CLIP2: variants seen among roughly 807,000 people sequenced by gnomAD.
CLIP2 encodes CAP-Gly domain-containing linker protein 2.
Under a neutral mutation model 111.7 loss-of-function variants are expected in CLIP2, and 41 were observed. That is an observed-to-expected ratio of 0.37 (90% CI 0.29 to 0.48). The LOEUF is 0.48. CLIP2 is among the 20% of genes least tolerant of loss of function. The pLI is 0.99. For synonymous variants in CLIP2, 660 were observed against 644.2 expected (o/e 1.02, Z -0.37); for missense variants, 1,160 against 1,422.1 (o/e 0.82, Z 2.96).
intron 2 of CLIP2, among the ~76,000 whole-genome samples, chr7:74,321,339 G>A (rs1554729992): frequency 1.3e-5 from 2 of 152,190 alleles, no homozygotes; most frequent in African/African-American, 4.8e-5. Context: ...AGGATTCCGT[G>A]AAGGATGGAC....
At position 74,376,684 on chromosome 7, in the gene CLIP2, G is replaced by T. The variant is rs373818798; in HGVS notation, c.2283G>T (p.Lys761Asn). 3 of 1,613,398 alleles carry T rather than the reference G, an allele frequency of 1.9e-6. No homozygotes were observed. The highest frequency in any genetic ancestry group is 2.5e-6 in the Non-Finnish European group (3 of 1,179,852). ...AGGAGCAGATCTCGCTGGCCGAGAA[G>T]AAGATGTTGGACTACGAGCGGCTGC... ...FLKEQISLAE[K>N]KMLDYERLQR... is the part of the protein sequence containing the mutation. The change falls in exon 10 of 17, where the codon AAG (lysine) becomes AAT (asparagine). Residue 761 changes from lysine (K) to asparagine (N), a missense_variant. Around this residue, in one of 5 missense-constraint regions of CLIP2, gnomAD observed 676 missense variants for 777.8 expected, o/e 0.87. Transcript: ENST00000223398. This position sits in a 1 kb window ranked among gnomAD's most constrained non-coding sequence, Gnocchi z 7.1.
chr7:74,399,546 G>T (rs797042137), intron 14 of CLIP2, among the ~76,000 whole-genome samples: 8 of 121,726 alleles, frequency 6.6e-5, no homozygotes, highest in East Asian at 3.1e-4. Context: ...TTTTTTTGGG[G>T]GGGGGGGGGT....
chr7:74,304,190 C>T (rs572581050), intron 1 of CLIP2, among the ~76,000 whole-genome samples: 8 of 151,628 alleles, frequency 5.3e-5, no homozygotes, highest in African/African-American at 1.9e-4. Flanking sequence ...GGATTGCAGG[C>T]GTGAGCCACC....
At chr7:74,327,391 C>G (rs1242749691) in intron 2 of CLIP2, among the ~76,000 whole-genome samples, 2 of 152,204 alleles carry the variant, frequency 1.3e-5, no homozygotes, top group Admixed American at 1.3e-4. Flanking sequence ...GCGTGAGCCA[C>G]TTCACTCGGT....
At chr7:74,339,721 T>C (rs1437196104) in intron 3 of CLIP2, among the ~76,000 whole-genome samples, 1 of 152,126 alleles carries the variant, frequency 6.6e-6, no homozygotes, top group African/African-American at 2.4e-5. Flanking sequence ...ATTGATATTA[T>C]CTATTGATCC....
intron 6 of CLIP2, among the ~76,000 whole-genome samples, chr7:74,359,476 C>A (rs1790255566): frequency 6.6e-6 from 1 of 151,594 alleles, no homozygotes; most frequent in Admixed American, 6.6e-5. Flanking sequence ...GCCTCAGCCT[C>A]CCAAGTAGCT....
chr7:74,394,965 T>A (rs1438863858), intron 13 of CLIP2, among the ~76,000 whole-genome samples: 1 of 152,168 alleles, frequency 6.6e-6, no homozygotes, highest in Non-Finnish European at 1.5e-5. Context: ...TGAGTCTCGA[T>A]AGAACTTTCT....
In CLIP2 at chr7:74,356,488, C is replaced by G. The variant is rs2116606574; in HGVS notation, c.882C>G (p.Ser294Arg). The G allele has an allele frequency of 1.2e-6, 2 of 1,614,216 alleles. No homozygotes were observed. Among genetic ancestry groups the G allele is most frequent in the East Asian group, 2.2e-5 (1 of 44,874 alleles). ...TCCGTATCGGCTTCCCATCTACCAG[C>G]CCAGCCAAGGCCAAGAAGACCAAGC... ...KVIRIGFPST[S>R]PAKAKKTKRM... The change falls in exon 5 of 17, where the codon AGC becomes AGG. Residue 294 changes from serine (S) to arginine (R), a missense_variant. By Grantham distance (110) the Ser-to-Arg change is moderately radical. Around this residue, in one of 5 missense-constraint regions of CLIP2, gnomAD observed 110 missense variants for 185.2 expected, o/e 0.59. Coordinates refer to ENST00000223398, the MANE Select transcript of CLIP2 (RefSeq NM_003388.5).
At chr7:74,311,548 A>G (rs1788639700) in intron 1 of CLIP2, among the ~76,000 whole-genome samples, 1 of 152,112 alleles carries the variant, frequency 6.6e-6, no homozygotes, top group Non-Finnish European at 1.5e-5. Flanking sequence ...TGTATATTCA[A>G]ACCTTTCACC....
Position 74,338,896 on chromosome 7 carries a change from C to T in CLIP2, c.570C>T (p.Ser190=), listed in dbSNP as rs1348011770. 7 of 1,604,822 alleles carry T rather than the reference C, an allele frequency of 4.4e-6. No homozygotes were observed. In the African/African-American group the frequency reaches 5.3e-5, roughly 12 times the overall value. The stretch of plus-strand genomic sequence containing the variant: ...GCCGCGTCATCCCCCTGCGGGAGAG[C>T]GTCCTCAACAGCTCCGTGAAGACTG... ...LTSRVIPLRE[S]VLNSSVKTGN... is the part of the protein sequence containing the mutation. Residue 190 remains serine (S), a synonymous_variant, in exon 3 of 17, where the codon AGC becomes AGT. Transcript: ENST00000223398. This position sits in a 1 kb window ranked among gnomAD's most constrained non-coding sequence, Gnocchi z 4.3.
chr7:74,374,813 A>C (rs1322288718), intron 9 of CLIP2, among the ~76,000 whole-genome samples: 1 of 152,234 alleles, frequency 6.6e-6, no homozygotes. Flanking sequence ...AATAGATTTA[A>C]AGCTTGAAAA....
chr7:74,348,431 G>A (rs1789865319), intron 3 of CLIP2, among the ~76,000 whole-genome samples: 1 of 151,978 alleles, frequency 6.6e-6, no homozygotes, highest in East Asian at 1.9e-4. Context: ...TGAGATGGGA[G>A]GATCCCTTGA....
intron 12 of CLIP2, among the ~76,000 whole-genome samples, chr7:74,388,313 G>A (rs1462616622): frequency 5.9e-5 from 9 of 151,742 alleles, no homozygotes; most frequent in African/African-American, 1.7e-4. Context: ...GCCTGGCAGC[G>A]GAGTGAGACT....
intron 6 of CLIP2, among the ~76,000 whole-genome samples, chr7:74,359,562 A>C (rs528450278): frequency 2.0e-5 from 3 of 151,742 alleles, no homozygotes; most frequent in Non-Finnish European, 4.4e-5. Context: ...TCACCATGTT[A>C]GCCAGGATGG....
chr7:74,395,108 C>T (rs1554316463), intron 13 of CLIP2, among the ~76,000 whole-genome samples: 1 of 152,130 alleles, frequency 6.6e-6, no homozygotes, highest in Non-Finnish European at 1.5e-5. Context: ...TTCCATCCTT[C>T]AGTTCTCATC....
At chr7:74,302,723 T>C (rs1554727026) in intron 1 of CLIP2, among the ~76,000 whole-genome samples, 6 of 152,218 alleles carry the variant, frequency 3.9e-5, no homozygotes, top group Non-Finnish European at 5.9e-5. Flanking sequence ...CTATCCACTG[T>C]GGTCTTGCCA....
Position 74,386,586 on chromosome 7 carries a change from C to T in CLIP2, c.2545C>T (p.Leu849Phe). ...AGCCTTGACCTCCCAGACCGAGATG[C>T]TCAGGGCCCAAGTAAGTGGTAAGTC... ...VTALTSQTEM[L>F]RAQVSALESK... is the part of the protein sequence containing the mutation. The change falls in exon 12 of 17, where the codon CTC becomes TTC. Residue 849 changes from leucine (L) to phenylalanine (F), a missense_variant. Physicochemically the swap from Leu to Phe is conservative, Grantham distance 22. This residue lies in a region of CLIP2 where 676 missense variants were observed against 777.8 expected (regional missense o/e 0.87). Transcript: ENST00000223398. The T allele has an allele frequency of 3.1e-6, 5 of 1,609,594 alleles. No homozygotes were observed. The highest frequency in any genetic ancestry group is 4.2e-6 in the Non-Finnish European group (5 of 1,178,266).
Position 74,364,292 on chromosome 7 carries a change from T to A in CLIP2, c.1357T>A (p.Ser453Thr), listed in dbSNP as rs1790414999. The change falls in exon 8 of 17, where the codon TCC (serine) becomes ACC (threonine). Residue 453 changes from serine to threonine, a missense_variant. Ser to Thr is a moderately conservative substitution (Grantham distance 58). This residue lies in a region of CLIP2 where 70 missense variants were observed against 114.9 expected (regional missense o/e 0.61). Coordinates refer to ENST00000223398, the MANE Select transcript of CLIP2 (RefSeq NM_003388.5). ...TCTGCAGTTCCGCGTGGAGGAGGAG[T>A]CCATCACCAAGGGAGACCTGGAGGT... ...EDLQFRVEEESITKGDLETQT... is the reference protein window; with the variant it reads ...EDLQFRVEEETITKGDLETQT... 1 of 1,613,192 alleles carries A rather than the reference T, an allele frequency of 6.2e-7. No homozygotes were observed. Among genetic ancestry groups the A allele is most frequent in the Admixed American group, 1.7e-5 (1 of 59,862 alleles).
intron 13 of CLIP2, among the ~76,000 whole-genome samples, chr7:74,395,953 A>G (rs1166349846): frequency 1.3e-5 from 2 of 152,232 alleles, no homozygotes; most frequent in Non-Finnish European, 2.9e-5. Context: ...CCATCACATC[A>G]TACATCATAG....
Sources: gnomAD v4.1 joint callset for allele counts (sites outside exome capture counted in the v4.1 genomes callset) on GRCh38, gnomAD v4.1.1 for gene constraint, gnomAD v4.1.1 regional missense constraint, Gnocchi (gnomAD v3.1) non-coding constraint, MANE v1.5 for transcripts, NCBI Gene and HGNC (gene_info 2026-07-23, HGNC 2026-07-21) for gene names.